UNC5D: variants seen among roughly 807,000 people sequenced by gnomAD.
UNC5D encodes the protein netrin receptor UNC5D.
In UNC5D, 39 loss-of-function variants were observed where a neutral mutation model predicts 105.4. The observed-to-expected ratio is 0.37, with a 90% CI of 0.29 to 0.48. UNC5D has a LOEUF of 0.48. Ranked by LOEUF, UNC5D falls within the 20% of genes least tolerant of loss-of-function variation. UNC5D has a pLI of 0.98. For synonymous variants in UNC5D, 452 were observed against 450.4 expected (o/e 1.00, Z -0.04); for missense variants, 991 against 1,202.4 (o/e 0.82, Z 2.60).
intron 1 of UNC5D, among the ~76,000 whole-genome samples, chr8:35,344,467 A>G (rs181109564): frequency 6.6e-6 from 1 of 152,092 alleles, no homozygotes; most frequent in East Asian, 1.9e-4. Flanking sequence ...TGATATCCTT[A>G]GATATGCTGA....
intron 1 of UNC5D, among the ~76,000 whole-genome samples, chr8:35,280,597 C>T (rs1806082372): frequency 6.6e-6 from 1 of 152,158 alleles, no homozygotes; most frequent in East Asian, 1.9e-4. Flanking sequence ...TTTGGTGATT[C>T]TCTTAACCCA....
intron 1 of UNC5D, among the ~76,000 whole-genome samples, chr8:35,245,743 C>A (rs1458876110): frequency 6.6e-6 from 1 of 152,004 alleles, no homozygotes; most frequent in Non-Finnish European, 1.5e-5. Context: ...GCGGAGAAGA[C>A]CATTGTAGAG....
At chr8:35,269,988 T>C (rs2128832395) in intron 1 of UNC5D, among the ~76,000 whole-genome samples, 1 of 152,160 alleles carries the variant, frequency 6.6e-6, no homozygotes, top group Non-Finnish European at 1.5e-5. Context: ...CAGAGTAGGG[T>C]TTTACTGTTT....
chr8:35,432,826 T>G (rs2128976495), intron 1 of UNC5D, among the ~76,000 whole-genome samples: 1 of 152,352 alleles, frequency 6.6e-6, no homozygotes, highest in Non-Finnish European at 1.5e-5. Flanking sequence ...TACTTTGATC[T>G]GCTATCACTT....
intron 4 of UNC5D, among the ~76,000 whole-genome samples, chr8:35,618,861 C>T (rs1275081320): frequency 6.6e-6 from 1 of 152,130 alleles, no homozygotes; most frequent in African/African-American, 2.4e-5. Flanking sequence ...GACATTATGG[C>T]AGGGTTGTGT....
At chr8:35,299,141 C>T (rs1215599579) in intron 1 of UNC5D, among the ~76,000 whole-genome samples, 1 of 152,160 alleles carries the variant, frequency 6.6e-6, no homozygotes, top group Non-Finnish European at 1.5e-5. Context: ...ATATACCCTT[C>T]TTCTGAGGAA....
intron 11 of UNC5D, among the ~76,000 whole-genome samples, chr8:35,746,160 G>C (rs190587145): frequency 4.1e-4 from 62 of 152,258 alleles, no homozygotes; most frequent in African/African-American, 1.3e-3. Flanking sequence ...GAGAAGAAAA[G>C]TACAATCTGG....
At chr8:35,785,338 G>A (rs1420659163) in intron 16 of UNC5D, among the ~76,000 whole-genome samples, 2 of 152,130 alleles carry the variant, frequency 1.3e-5, no homozygotes, top group African/African-American at 4.8e-5. Context: ...TCTTTGAGAA[G>A]TAACCTATTG....
chr8:35,720,404 G>A (rs553819788), intron 8 of UNC5D, among the ~76,000 whole-genome samples: 1 of 152,190 alleles, frequency 6.6e-6, no homozygotes, highest in Non-Finnish European at 1.5e-5. Context: ...AGGTGAGAGT[G>A]TCATCAGTCA....
chr8:35,755,452 G>A (rs6468335), intron 13 of UNC5D, among the ~76,000 whole-genome samples: 15,883 of 151,976 alleles, frequency 0.1, 2,406 homozygotes, highest in African/African-American at 0.34. Flanking sequence ...TTAAAGGAAA[G>A]CACCATAGCG....
intron 1 of UNC5D, among the ~76,000 whole-genome samples, chr8:35,312,794 T>G (rs542430225): frequency 6.6e-6 from 1 of 152,318 alleles, no homozygotes; most frequent in South Asian, 2.1e-4. Context: ...ACTTCATGTT[T>G]CAATGTAGGA....
At chr8:35,343,274 T>C (rs1397420528) in intron 1 of UNC5D, among the ~76,000 whole-genome samples, 1 of 152,118 alleles carries the variant, frequency 6.6e-6, no homozygotes, top group African/African-American at 2.4e-5. Context: ...ATGAAAAGAA[T>C]CATACTTTAA....
chr8:35,441,203 ACTC>A (rs1807372241), intron 1 of UNC5D, among the ~76,000 whole-genome samples: 1 of 151,758 alleles, frequency 6.6e-6, no homozygotes, highest in African/African-American at 2.4e-5. Flanking sequence ...CTCAGAACAT[ACTC>A]CTCACCTATC....
intron 3 of UNC5D, among the ~76,000 whole-genome samples, chr8:35,572,419 C>A (rs80313737): frequency 0.028 from 4,254 of 151,978 alleles, 195 homozygotes; most frequent in African/African-American, 0.097. Context: ...TCACCTTAGC[C>A]AATGTTTACA....
At chr8:35,496,415 T>C (rs1259475908) in intron 1 of UNC5D, among the ~76,000 whole-genome samples, 1 of 152,142 alleles carries the variant, frequency 6.6e-6, no homozygotes, top group African/African-American at 2.4e-5. Context: ...TCATAACTGA[T>C]GGGACAGACC....
At chr8:35,533,207 A>G (rs1289724748) in intron 1 of UNC5D, among the ~76,000 whole-genome samples, 3 of 152,128 alleles carry the variant, frequency 2.0e-5, no homozygotes, top group African/African-American at 7.2e-5. Context: ...GATGCTGGTA[A>G]TGTACAAATG....
At chr8:35,550,370 T>C (rs1291957967) in intron 2 of UNC5D, among the ~76,000 whole-genome samples, 1 of 152,216 alleles carries the variant, frequency 6.6e-6, no homozygotes, top group Non-Finnish European at 1.5e-5. Context: ...AAACAATCTA[T>C]GCTTTTGAAC....
At chr8:35,619,119 A>G (rs1821201746) in intron 4 of UNC5D, among the ~76,000 whole-genome samples, 1 of 152,230 alleles carries the variant, frequency 6.6e-6, no homozygotes, top group Non-Finnish European at 1.5e-5. Flanking sequence ...GCATCCAACA[A>G]ATGAAATAAA....
intron 10 of UNC5D, among the ~76,000 whole-genome samples, chr8:35,728,095 A>AAAAAAAAAAAAATATATAT (rs34672872): frequency 1.0e-4 from 11 of 110,354 alleles, no homozygotes; most frequent in African/African-American, 3.8e-4. Flanking sequence ...AAAAAAAAAA[A>AAAAAAAAAAAAATATATAT]ATATATATAT....
Sources: gnomAD v4.1 joint callset for allele counts (sites outside exome capture counted in the v4.1 genomes callset) on GRCh38, gnomAD v4.1.1 for gene constraint, MANE v1.5 for transcripts, NCBI Gene and HGNC (gene_info 2026-07-23, HGNC 2026-07-21) for gene names.